Variants in RELCH observed in about 807,000 individuals in gnomAD.
RELCH encodes RAB11 binding and LisH domain, coiled-coil and HEAT repeat containing.
In RELCH, 41 loss-of-function variants were observed where a neutral mutation model predicts 150.3. The observed-to-expected ratio is 0.27, with a 90% CI of 0.21 to 0.35. The LOEUF (loss-of-function observed/expected upper bound fraction) is 0.35, where lower values mean the gene tolerates loss of function less well. Ranked by LOEUF, RELCH falls within the 10% of genes least tolerant of loss-of-function variation. The pLI, the probability that RELCH is intolerant of heterozygous loss-of-function variation, is 1.00. For synonymous variants in RELCH, 478 were observed against 531.8 expected, an observed-to-expected ratio of 0.90 and a Z score of 1.39; for missense variants, 1,092 against 1,467.8, an observed-to-expected ratio of 0.74 and a Z score of 4.18.
intron 1 of RELCH, among the ~76,000 whole-genome samples, chr18:62,195,697 T>A (rs1599770872): frequency 6.9e-6 from 1 of 145,226 alleles, no homozygotes; most frequent in African/African-American, 2.6e-5. Flanking sequence ...ATCATCTTCC[T>A]TTTTTTTTTC....
chr18:62,235,879 GAATCA>G (rs1413349580), intron 10 of RELCH, among the ~76,000 whole-genome samples: 19 of 151,966 alleles, frequency 1.3e-4, no homozygotes, highest in African/African-American at 4.6e-4. Flanking sequence ...TACATATATA[GAATCA>G]TGTCATCTGC....
At chr18:62,290,168 T>C (rs982620934) in intron 26 of RELCH, among the ~76,000 whole-genome samples, 2 of 152,236 alleles carry the variant, frequency 1.3e-5, no homozygotes, top group Non-Finnish European at 2.9e-5. Context: ...TTACACTGAT[T>C]TTTTTCTTAG....
chr18:62,229,220 T>C (rs1262214951), intron 8 of RELCH, among the ~76,000 whole-genome samples: 1 of 152,114 alleles, frequency 6.6e-6, no homozygotes, highest in Non-Finnish European at 1.5e-5. Flanking sequence ...TGAGCTCTTT[T>C]TATATGTCAG....
At chr18:62,209,732 A>G (rs551953636) in intron 1 of RELCH, among the ~76,000 whole-genome samples, 1 of 150,684 alleles carries the variant, frequency 6.6e-6, no homozygotes, top group Non-Finnish European at 1.5e-5. Context: ...TCTGATATGG[A>G]TCTTCTTATC....
At chr18:62,210,501 T>A (rs975417821) in intron 1 of RELCH, among the ~76,000 whole-genome samples, 3 of 152,236 alleles carry the variant, frequency 2.0e-5, no homozygotes, top group African/African-American at 7.2e-5. Context: ...AAGGCATTTT[T>A]AATTTCAGAT....
At chr18:62,275,922 A>G (rs554862137) in intron 22 of RELCH, among the ~76,000 whole-genome samples, 1 of 152,304 alleles carries the variant, frequency 6.6e-6, no homozygotes, top group Admixed American at 6.5e-5. Context: ...CTACGTCACT[A>G]TTCCCTAACA....
intron 21 of RELCH, 55 bp downstream of exon 21, chr18:62,274,141 AT>A: frequency 9.2e-7 from 1 of 1,083,410 alleles, no homozygotes; most frequent in Non-Finnish European, 1.4e-6. Context: ...TTTAGATTGG[AT>A]TTATAGAGTA....
chr18:62,265,267 T>C (rs1488932594), intron 18 of RELCH, among the ~76,000 whole-genome samples: 2 of 152,066 alleles, frequency 1.3e-5, no homozygotes. Flanking sequence ...CAGCAACTTA[T>C]ATATAAAACT....
chr18:62,293,671 C>T (rs1168459958), intron 27 of RELCH, among the ~76,000 whole-genome samples: 1 of 151,836 alleles, frequency 6.6e-6, no homozygotes, highest in East Asian at 1.9e-4. Context: ...AACAGTTATA[C>T]TGTCACAAAG....
chr18:62,223,436 A>G (rs927116968), intron 5 of RELCH, among the ~76,000 whole-genome samples: 3 of 152,090 alleles, frequency 2.0e-5, no homozygotes, highest in South Asian at 2.1e-4. Context: ...AAGAAATAAA[A>G]TTTGTACTTA....
chr18:62,273,812 C>A (rs527966722), intron 20 of RELCH, among the ~76,000 whole-genome samples, 168 bp from the exon 21 acceptor site: 49 of 152,236 alleles, frequency 3.2e-4, no homozygotes, highest in African/African-American at 1.1e-3. Flanking sequence ...TGTCTTCATA[C>A]CATTCTGATG....
At chr18:62,206,073 T>C (rs112830909) in intron 1 of RELCH, among the ~76,000 whole-genome samples, 3,478 of 152,246 alleles carry the variant, frequency 0.023, 41 homozygotes, top group Middle Eastern at 0.082. Context: ...GTTTTTTTGT[T>C]TGTTTTTGTT....
rs376513778 is a variant in RELCH, at chr18:62,227,055, C to T, written c.859-234C>T. Among the ~76,000 whole-genome samples the T allele has an allele frequency of 1.6e-4, 25 of 151,688 alleles. 2 individuals are homozygous for T. The highest frequency in any genetic ancestry group is 6.0e-4 in the African/African-American group (25 of 41,410). On this transcript the variant is annotated intron_variant, in intron 5 of 28. Coordinates refer to ENST00000644646, the MANE Select transcript of RELCH (RefSeq NM_001346231.2). ...AAAATTTTTTTTGATTGGTTCGGCA[C>T]AGTGGCGGGTGCTTGTAGTTCCAGC...
intron 13 of RELCH, among the ~76,000 whole-genome samples, chr18:62,256,824 C>T (rs1048202857): frequency 6.6e-6 from 1 of 152,012 alleles, no homozygotes; most frequent in Non-Finnish European, 1.5e-5. Context: ...GTCATATTGC[C>T]TTGTGTGGAT....
rs2045943984 is a variant in RELCH at position 62,308,870 on chromosome 18, G to A, written c.*3336G>A. 6.6e-6 allele frequency: 1 copy of A among 152,130 alleles called. No homozygotes were observed. The highest frequency in any genetic ancestry group is 2.1e-4 in the South Asian group (1 of 4,828). The allele number at this position is 152,130 out of a possible 1,614,324, so 9.4% of individuals were successfully genotyped here. A position where few individuals can be genotyped will look rare whatever the true frequency, so the allele number is the denominator to read the frequency against. On this transcript the variant is annotated 3_prime_UTR_variant, in exon 29 of 29. Transcript: ENST00000644646. ...ATAAATTTAGCCTTTTGTATGAGTAGACATCTATTTCAAAGTTCTACTGTA... is the reference window on the plus strand; with the variant it reads ...ATAAATTTAGCCTTTTGTATGAGTAAACATCTATTTCAAAGTTCTACTGTA...
chr18:62,305,592 TGTACTTGAA>T lies in RELCH; in HGVS notation c.*66_*74del. On this transcript the variant is annotated 3_prime_UTR_variant, in exon 29 of 29. Transcript: ENST00000644646. This position sits in a 1 kb window ranked among gnomAD's most constrained non-coding sequence, Gnocchi z 4.0. Reference sequence around the variant, plus strand: ...ATGGACCTCAAGCCGACTGGTTCCTTGTACTTGAAGTACTTGCCTTTTTTGTTTCCTCAG... The same window carrying T: ...ATGGACCTCAAGCCGACTGGTTCCTTGTACTTGCCTTTTTTGTTTCCTCAG... 1 of 1,526,110 alleles carries T rather than the reference TGTACTTGAA, an allele frequency of 6.6e-7. No individual in the cohort carries two copies. The highest frequency in any genetic ancestry group is 8.8e-7 in the Non-Finnish European group (1 of 1,139,050). 94.5% of individuals were successfully genotyped at this position (1,526,110 alleles called of 1,614,324 possible).
In RELCH at chr18:62,211,239, G is replaced by T; in HGVS notation, c.613G>T (p.Ala205Ser). 1.3e-6 allele frequency: 2 copies of T among 1,584,162 alleles called. No homozygotes were observed. Among genetic ancestry groups the T allele is most frequent in the South Asian group, 1.1e-5 (1 of 90,044 alleles). The change falls in exon 2 of 29, where the codon GCA becomes TCA. Residue 205 changes from alanine (A) to serine (S), a missense_variant. Physicochemically the swap from Ala to Ser is moderately conservative, Grantham distance 99 (BLOSUM62 1). Transcript: ENST00000644646. ...DGNRETDEKV[A>S]VLEFELRKAK... ...TAACAGGGAAACAGATGAAAAAGTG[G>T]CAGGTGAGTAAAATTGTAAGGACAG...
chr18:62,276,568 A>G (rs1191532090), intron 22 of RELCH, among the ~76,000 whole-genome samples: 2 of 152,128 alleles, frequency 1.3e-5, no homozygotes, highest in Admixed American at 6.5e-5. Flanking sequence ...CTAAACATTT[A>G]TTTCTATAAA....
intron 22 of RELCH, among the ~76,000 whole-genome samples, chr18:62,275,910 T>G (rs1191796644): frequency 6.6e-6 from 1 of 152,162 alleles, no homozygotes. Context: ...TATTGGTTAC[T>G]CCTACGTCAC....
Sources: gnomAD v4.1 joint callset for allele counts (sites outside exome capture counted in the v4.1 genomes callset) on GRCh38, gnomAD v4.1.1 for gene constraint, Gnocchi (gnomAD v3.1) non-coding constraint, MANE v1.5 for transcripts, NCBI Gene and HGNC (gene_info 2026-07-23, HGNC 2026-07-21) for gene names.